The following TSPEAR variants were observed in gnomAD, a reference collection of about 807,000 sequenced individuals.
The protein encoded by TSPEAR is thrombospondin-type laminin G domain and EAR repeat-containing protein.
In TSPEAR, 69 loss-of-function variants were observed where a neutral mutation model predicts 71.6. The ratio of observed to expected loss-of-function variants is 0.96; its 90% CI spans 0.79 to 1.18. The LOEUF is 1.18. Among genes scored for constraint, TSPEAR ranks in the 50% most tolerant of loss-of-function variants. The pLI is 0.00. For synonymous variants in TSPEAR, 402 were observed against 387.2 expected (o/e 1.04, Z -0.45); for missense variants, 971 against 894.9 (o/e 1.09, Z -1.09).
chr21:44,630,047 G>A (rs916324494), intron 1 of TSPEAR, among the ~76,000 whole-genome samples: 20 of 152,174 alleles, frequency 1.3e-4, no homozygotes, highest in African/African-American at 2.4e-4. Flanking sequence ...TTCAGGGGCC[G>A]TGGTACACAC....
intron 1 of TSPEAR, among the ~76,000 whole-genome samples, chr21:44,706,738 T>C (rs1987945940): frequency 6.6e-6 from 1 of 152,120 alleles, no homozygotes; most frequent in Non-Finnish European, 1.5e-5. Context: ...CTCCCCAGGC[T>C]GAACCCGACT....
intron 2 of TSPEAR, among the ~76,000 whole-genome samples, chr21:44,542,428 T>G (rs62220860): frequency 0.16 from 24,321 of 152,194 alleles, 2,161 homozygotes; most frequent in South Asian, 0.32. Context: ...TTTAACCTGA[T>G]GAAATGCATA....
In TSPEAR at chr21:44,702,840, C is replaced by T. The variant is rs1324957863; in HGVS notation, c.82+8593G>A. On this transcript the variant is annotated intron_variant, in intron 1 of 11. Transcript: ENST00000323084. The stretch of plus-strand genomic sequence containing the variant: ...CAGGGCCAGCCAGGCTCAGGTTCCC[C>T]CCAACCTCTCCCACTGCTGACCTCT... 6 of 946,454 alleles carry T rather than the reference C, an allele frequency of 6.3e-6. No homozygotes were observed. In the Admixed American group the frequency reaches 1.2e-4, roughly 19 times the overall value. The allele number at this position is 946,454 out of a possible 1,614,324, so 58.6% of individuals were successfully genotyped here.
At chr21:44,551,201 C>A in intron 2 of TSPEAR, 1 of 1,584,366 alleles carries the variant, frequency 6.3e-7, no homozygotes. Flanking sequence ...AGCAAGCCGG[C>A]TGGCAGCTAG....
intron 1 of TSPEAR, among the ~76,000 whole-genome samples, chr21:44,613,987 C>A (rs1436886364): frequency 2.0e-5 from 3 of 151,964 alleles, no homozygotes. Flanking sequence ...GGCCTCTCCT[C>A]CTCCCACCCT....
At chr21:44,676,067 T>A in intron 1 of TSPEAR, 1 of 871,678 alleles carries the variant, frequency 1.1e-6, no homozygotes, top group South Asian at 1.3e-5. Flanking sequence ...ATAGGAGGCA[T>A]ATGACAGTAA....
At position 44,631,443 on chromosome 21, in the gene TSPEAR, G is replaced by A. The variant is rs181656681; in HGVS notation, c.83-63438C>T. 8.3e-4 allele frequency among the ~76,000 whole-genome samples: 126 copies of A among 152,298 alleles called. 1 individual carries two copies. Among genetic ancestry groups the A allele is most frequent in the Middle Eastern group, 3.4e-3 (1 of 294 alleles). On this transcript the variant is annotated intron_variant, in intron 1 of 11. Coordinates refer to ENST00000323084, the MANE Select transcript of TSPEAR (RefSeq NM_144991.3). ...GCATAAAAACAAAAAGAGGCCGAGC[G>A]TGATGGCTCACACCTGTAATCCCAG...
At position 44,533,997 on chromosome 21, in the gene TSPEAR, G is replaced by A. The variant is rs185072799; in HGVS notation, c.304-74C>T. 489 of 1,117,272 alleles carry A rather than the reference G, an allele frequency of 4.4e-4. 2 individuals are homozygous for A. The Admixed American group carries it at 9.1e-3, about 21-fold the overall frequency. The allele number at this position is 1,117,272 out of a possible 1,614,324, so 69.2% of individuals were successfully genotyped here. ...GTGCGGGGGCAGGGCAGATGGGAAT[G>A]GCAGAGGTGATGAGCACAGGTGGTG... On this transcript the variant is annotated intron_variant, in intron 2 of 11. Coordinates refer to ENST00000323084, the MANE Select transcript of TSPEAR (RefSeq NM_144991.3).
At chr21:44,637,131 G>T (rs1392732289) in intron 1 of TSPEAR, among the ~76,000 whole-genome samples, 1 of 152,138 alleles carries the variant, frequency 6.6e-6, no homozygotes, top group Non-Finnish European at 1.5e-5. Context: ...CTTCCCTCCT[G>T]GTGTTCCCGG....
rs1987286194 is a variant in TSPEAR, at chr21:44,695,314, T to C, written c.82+16119A>G. 6.6e-6 allele frequency among the ~76,000 whole-genome samples: 1 copy of C among 152,114 alleles called. No individual in the cohort carries two copies. Among genetic ancestry groups the C allele is most frequent in the Non-Finnish European group, 1.5e-5 (1 of 68,036 alleles). On this transcript the variant is annotated intron_variant, in intron 1 of 11. Transcript: ENST00000323084. The surrounding 1 kb of genome is among the most constrained non-coding windows in gnomAD (Gnocchi z 4.5). ...CGCAAGTGCACCACAGACTCTGATATGTACAGAACAGGCCCCTGGGTCTCG... is the reference window on the plus strand; with the variant it reads ...CGCAAGTGCACCACAGACTCTGATACGTACAGAACAGGCCCCTGGGTCTCG...
chr21:44,605,749 G>A (rs1317894689), intron 1 of TSPEAR, among the ~76,000 whole-genome samples: 3 of 152,158 alleles, frequency 2.0e-5, no homozygotes, highest in African/African-American at 4.8e-5. Flanking sequence ...CAATATCCAT[G>A]TGCAGAAAAC....
In TSPEAR at chr21:44,529,797, C is replaced by T; in HGVS notation, c.790+1G>A. On this transcript the variant is annotated splice_donor_variant, in intron 5 of 11. Transcript: ENST00000323084. LOFTEE classifies it high-confidence loss of function. ...TGGGGGCGGGTGGCCCCCCTACTAA[C>T]CATAGGGATATTTTAGCACCTCGTT... 2 of 1,613,708 alleles carry T rather than the reference C, an allele frequency of 1.2e-6. No homozygotes were observed. Among genetic ancestry groups the T allele is most frequent in the Non-Finnish European group, 8.5e-7 (1 of 1,179,854 alleles).
At chr21:44,672,691 A>C (rs1386122108) in intron 1 of TSPEAR, among the ~76,000 whole-genome samples, 1 of 152,208 alleles carries the variant, frequency 6.6e-6, no homozygotes, top group Non-Finnish European at 1.5e-5. Context: ...TTGGATTTCT[A>C]TCTCTGCCCA....
At chr21:44,699,973 C>T (rs1987575254) in intron 1 of TSPEAR, among the ~76,000 whole-genome samples, 1 of 152,180 alleles carries the variant, frequency 6.6e-6, no homozygotes, top group Admixed American at 6.5e-5. Flanking sequence ...GGGGTCTGCC[C>T]TGCCTCTCCC....
rs587774707 is a variant in TSPEAR, at chr21:44,516,168, G to A, written c.1566+5715C>T. The A allele has an allele frequency of 2.0e-5, 3 of 152,394 alleles. No individual in the cohort carries two copies. In the South Asian group the frequency reaches 6.2e-4, roughly 32 times the overall value. 9.4% of individuals were successfully genotyped at this position (152,394 alleles called of 1,614,324 possible). ...GACCACCTTCCAGAAATCTCCAAAA[G>A]GCTTTCCAAAACAGGAAAACAAGGA... On this transcript the variant is annotated intron_variant, in intron 9 of 11. Transcript: ENST00000323084.
At chr21:44,523,515 C>T (rs1036316449) in intron 8 of TSPEAR, among the ~76,000 whole-genome samples, 3 of 150,352 alleles carry the variant, frequency 2.0e-5, no homozygotes, top group Admixed American at 6.6e-5. Flanking sequence ...AGTCAGTCGT[C>T]AGTCAGTCTG....
intron 1 of TSPEAR, among the ~76,000 whole-genome samples, chr21:44,636,746 C>A (rs372953292): frequency 1.3e-5 from 2 of 152,162 alleles, no homozygotes; most frequent in African/African-American, 4.8e-5. Flanking sequence ...GACACCTGAC[C>A]AGGGCTCCAG....
intron 1 of TSPEAR, among the ~76,000 whole-genome samples, chr21:44,585,733 C>T (rs1979294735): frequency 6.6e-6 from 1 of 152,190 alleles, no homozygotes; most frequent in Non-Finnish European, 1.5e-5. Flanking sequence ...TCTTCTCCTT[C>T]TCCTTTTTGG....
At chr21:44,534,916 A>G (rs1160526233) in intron 2 of TSPEAR, among the ~76,000 whole-genome samples, 4 of 152,238 alleles carry the variant, frequency 2.6e-5, no homozygotes, top group Non-Finnish European at 5.9e-5. Context: ...GTGTGGTCCA[A>G]CCACACAGTG....
Sources: gnomAD v4.1 joint callset for allele counts (sites outside exome capture counted in the v4.1 genomes callset) on GRCh38, gnomAD v4.1.1 for gene constraint, Gnocchi (gnomAD v3.1) non-coding constraint, MANE v1.5 for transcripts, NCBI Gene and HGNC (gene_info 2026-07-23, HGNC 2026-07-21) for gene names.